GFRA2: variants seen among roughly 807,000 people sequenced by gnomAD.
GFRA2 encodes GDNF family receptor alpha 2, also known as GDNF family receptor alpha-2.
Under a neutral mutation model 48.3 loss-of-function variants are expected in GFRA2, and 17 were observed. The ratio of observed to expected loss-of-function variants is 0.35; its 90% confidence interval spans 0.24 to 0.53. The LOEUF (loss-of-function observed/expected upper bound fraction) is 0.53. Ranked by LOEUF, GFRA2 falls within the 20% of genes least tolerant of loss-of-function variation. The pLI, the probability that GFRA2 is intolerant of heterozygous loss-of-function variation, is 0.93. For missense variants in GFRA2, 660 were observed against 637.3 expected, an observed-to-expected ratio of 1.04 and a Z score of -0.38; for synonymous variants, 305 against 257.2, an observed-to-expected ratio of 1.19 and a Z score of -1.78.
At chr8:21,771,816 C>T (rs1405108374) in intron 3 of GFRA2, among the ~76,000 whole-genome samples, 1 of 152,092 alleles carries the variant, frequency 6.6e-6, no homozygotes, top group Non-Finnish European at 1.5e-5. Context: ...GCCTCCCTCC[C>T]TACCCACAGT....
chr8:21,725,465 C>G (rs947529487), intron 4 of GFRA2, among the ~76,000 whole-genome samples: 1 of 152,260 alleles, frequency 6.6e-6, no homozygotes, highest in Non-Finnish European at 1.5e-5. Context: ...AGGCTGAAAT[C>G]TGTACTTTAG....
intron 1 of GFRA2, among the ~76,000 whole-genome samples, chr8:21,806,846 C>T (rs1339715053): frequency 6.6e-6 from 1 of 152,144 alleles, no homozygotes; most frequent in Non-Finnish European, 1.5e-5. Context: ...TAGAGGGGCA[C>T]CTGTTCTCAA....
intron 4 of GFRA2, among the ~76,000 whole-genome samples, chr8:21,733,747 G>A (rs751364097): frequency 1.3e-5 from 2 of 152,156 alleles, no homozygotes; most frequent in African/African-American, 2.4e-5. Context: ...GACTATTGAT[G>A]GGATAGAGGC....
intron 7 of GFRA2, among the ~76,000 whole-genome samples, chr8:21,696,064 T>A (rs1802151911): frequency 1.3e-5 from 1 of 78,746 alleles, no homozygotes. Context: ...CCTCCCCATC[T>A]CCTGTGTCCC....
At position 21,778,619 on chromosome 8, in the gene GFRA2, C is replaced by T. The variant is rs112546269; in HGVS notation, c.356-3564G>A. ...AGACTTAGAACCAGGCAGGACGCAGCGGCTTATGCCTATAATTCCAACACT... is the reference window on the plus strand; with the variant it reads ...AGACTTAGAACCAGGCAGGACGCAGTGGCTTATGCCTATAATTCCAACACT... On this transcript the variant is annotated intron_variant, in intron 2 of 8. Transcript: ENST00000524240. 9.1e-3 allele frequency among the ~76,000 whole-genome samples: 1,392 copies of T among 152,264 alleles called. 21 individuals are homozygous for T. Among genetic ancestry groups the T allele is most frequent in the African/African-American group, 0.032 (1,332 of 41,544 alleles).
intron 7 of GFRA2, among the ~76,000 whole-genome samples, chr8:21,697,808 G>A (rs947860057): frequency 6.6e-6 from 1 of 152,070 alleles, no homozygotes; most frequent in African/African-American, 2.4e-5. Context: ...TAAGTCCCAT[G>A]AGATCTGATG....
chr8:21,774,552 G>A (rs1274614106), intron 3 of GFRA2, among the ~76,000 whole-genome samples: 1 of 152,164 alleles, frequency 6.6e-6, no homozygotes, highest in African/African-American at 2.4e-5. Context: ...CTTAGACCTC[G>A]CAGCAATCCA....
intron 3 of GFRA2, among the ~76,000 whole-genome samples, chr8:21,759,532 A>C (rs1024478373): frequency 6.7e-6 from 1 of 149,264 alleles, no homozygotes. Flanking sequence ...GAAGGAAGGA[A>C]GGAAGGAAGG....
chr8:21,751,033 G>A lies in GFRA2; in HGVS notation c.440-91C>T, dbSNP rs369088467. ...CACTGGAAGATGTCTCCCAGTACTC[G>A]ATATGCTTCCATGTGCCTGCTCTGT... On this transcript the variant is annotated intron_variant, in intron 3 of 8. Transcript: ENST00000524240. 8.8e-5 allele frequency: 76 copies of A among 859,336 alleles called. 1 individual carries two copies. The highest frequency in any genetic ancestry group is 5.2e-4 in the South Asian group (31 of 59,846). The allele number at this position is 859,336 out of a possible 1,614,324, so 53.2% of individuals were successfully genotyped here.
At chr8:21,753,854 C>T (rs1408754413) in intron 3 of GFRA2, among the ~76,000 whole-genome samples, 2 of 152,174 alleles carry the variant, frequency 1.3e-5, no homozygotes, top group African/African-American at 2.4e-5. Flanking sequence ...CCTCCTATTC[C>T]TTTCTCCAGG....
chr8:21,709,584 G>C (rs911626408), intron 4 of GFRA2, among the ~76,000 whole-genome samples: 1 of 152,214 alleles, frequency 6.6e-6, no homozygotes, highest in Non-Finnish European at 1.5e-5. Flanking sequence ...TAAGGGGCCG[G>C]GGTAGTGTGC....
intron 3 of GFRA2, among the ~76,000 whole-genome samples, chr8:21,754,505 C>CTT (rs59344047): frequency 0.093 from 11,256 of 121,010 alleles, 573 homozygotes; most frequent in Non-Finnish European, 0.12. Flanking sequence ...CTTTTTTTTT[C>CTT]TTTTTTTTTT....
intron 2 of GFRA2, among the ~76,000 whole-genome samples, chr8:21,799,673 C>T (rs1807738493): frequency 6.6e-6 from 1 of 152,138 alleles, no homozygotes; most frequent in South Asian, 2.1e-4. Context: ...CAGTGTGATC[C>T]CCTGCCCACC....
chr8:21,744,373 C>T (rs1284203732), intron 4 of GFRA2, among the ~76,000 whole-genome samples: 1 of 152,156 alleles, frequency 6.6e-6, no homozygotes, highest in African/African-American at 2.4e-5. Context: ...ATCCTCAGCA[C>T]CCAGAGGTTA....
chr8:21,794,233 C>CTT (rs1159236794), intron 2 of GFRA2, among the ~76,000 whole-genome samples: 1,074 of 67,020 alleles, frequency 0.016, 180 homozygotes, highest in Non-Finnish European at 0.018. Context: ...CTGAGAGTGA[C>CTT]TTTTTTTTTT....
intron 3 of GFRA2, among the ~76,000 whole-genome samples, chr8:21,759,344 C>T (rs972529201): frequency 1.5e-4 from 23 of 150,444 alleles, no homozygotes; most frequent in African/African-American, 5.4e-4. Flanking sequence ...CAAGAACGCA[C>T]CATTGCACTC....
At chr8:21,730,954 G>A (rs529088428) in intron 4 of GFRA2, among the ~76,000 whole-genome samples, 7 of 152,220 alleles carry the variant, frequency 4.6e-5, no homozygotes, top group Non-Finnish European at 7.4e-5. Flanking sequence ...TTTCCACAGC[G>A]AGACGAGGTA....
chr8:21,777,926 G>A (rs2117720889), intron 2 of GFRA2, among the ~76,000 whole-genome samples: 1 of 152,278 alleles, frequency 6.6e-6, no homozygotes, highest in East Asian at 1.9e-4. Context: ...GACTCTAGAA[G>A]CTCAGCAGCC....
rs140468988 is a variant in GFRA2 at position 21,741,464 on chromosome 8, G to A, written c.794+9124C>T. Among the ~76,000 whole-genome samples the A allele has an allele frequency of 1.2e-4, 18 of 151,946 alleles. No homozygotes were observed. In the East Asian group the frequency reaches 2.7e-3, roughly 23 times the overall value. ...TCTATTTCCACATCCTGCTCATTTCGGCAGCATTATCTAGATGCTTGTCTG... is the reference window on the plus strand; with the variant it reads ...TCTATTTCCACATCCTGCTCATTTCAGCAGCATTATCTAGATGCTTGTCTG... On this transcript the variant is annotated intron_variant, in intron 4 of 8. Coordinates refer to ENST00000524240, the MANE Select transcript of GFRA2 (RefSeq NM_001495.5).
Sources: allele counts gnomAD v4.1 joint callset (sites outside exome capture counted in the v4.1 genomes callset), GRCh38; gene constraint gnomAD v4.1.1; transcripts MANE v1.5; gene names NCBI Gene and HGNC (gene_info 2026-07-23, HGNC 2026-07-21).